CASQ1: variants seen among roughly 807,000 people sequenced by gnomAD.
The protein encoded by CASQ1 is calsequestrin-1.
CASQ1 carries 40 observed loss-of-function variants against 49.5 expected under a neutral mutation model. The observed-to-expected ratio is 0.81, with a 90% CI of 0.63 to 1.05. The LOEUF (loss-of-function observed/expected upper bound fraction) is 1.05, where lower values mean the gene tolerates loss of function less well. CASQ1 is among the 50% of genes least tolerant of loss of function. CASQ1 has a pLI of 0.00. For synonymous variants in CASQ1, 174 were observed against 187.2 expected, an observed-to-expected ratio of 0.93 and a Z score of 0.58; for missense variants, 469 against 486.9, an observed-to-expected ratio of 0.96 and a Z score of 0.35.
intron 10 of CASQ1, among the ~76,000 whole-genome samples, chr1:160,200,533 G>T (rs1654346455): frequency 6.6e-6 from 1 of 152,210 alleles, no homozygotes; most frequent in African/African-American, 2.4e-5. Context: ...TCAAAATGGA[G>T]ATTCTACAAT....
At chr1:160,200,547 T>C (rs138806232) in intron 10 of CASQ1, among the ~76,000 whole-genome samples, 456 of 152,326 alleles carry the variant, frequency 3.0e-3, no homozygotes, top group Admixed American at 4.4e-3. Context: ...CTACAATGTA[T>C]ACGATTTCAA....
chr1:160,195,471 C>T lies in CASQ1; in HGVS notation c.588C>T (p.Ala196=), dbSNP rs1211693320. ...CATTCCACCCCCCAGATTACAAAGC[C>T]TTCGAGGATGCAGCTGAGGAGTTTC... ...FKSKDSEHYK[A]FEDAAEEFHP... Residue 196 remains alanine (A), a synonymous_variant, in exon 5 of 11, where the codon GCC becomes GCT. Transcript: ENST00000368078. 2.5e-6 allele frequency: 4 copies of T among 1,614,092 alleles called. No individual in the cohort carries two copies. Among genetic ancestry groups the T allele is most frequent in the South Asian group, 1.1e-5 (1 of 91,078 alleles).
rs543422219 is a variant in CASQ1 at position 160,190,880 on chromosome 1, C to T, written c.129C>T (p.Tyr43=). The T allele has an allele frequency of 1.5e-4, 236 of 1,614,154 alleles. 3 individuals carry two copies. In the South Asian group the frequency reaches 2.2e-3, roughly 15 times the overall value. ...QGQEGLDFPE[Y]DGVDRVINVN... is the part of the protein sequence containing the mutation. ...AGGAAGGGCTGGACTTCCCTGAGTACGATGGTGTGGACCGTGTGATCAATG... is the reference window on the plus strand; with the variant it reads ...AGGAAGGGCTGGACTTCCCTGAGTATGATGGTGTGGACCGTGTGATCAATG... The change falls in exon 1 of 11, where the codon TAC becomes TAT. Residue 43 remains tyrosine (Y), a synonymous_variant. Transcript: ENST00000368078.
chr1:160,198,511 A>C (rs1227747661), intron 7 of CASQ1, among the ~76,000 whole-genome samples, 166 bp from the exon 8 acceptor site: 3 of 151,916 alleles, frequency 2.0e-5, no homozygotes, highest in Non-Finnish European at 4.4e-5. Flanking sequence ...CTCAAAAACA[A>C]AAAAAAACAA....
intron 1 of CASQ1, 104 bp from the exon 2 acceptor site, chr1:160,192,696 CTT>C (rs1654104624): frequency 6.8e-6 from 6 of 882,464 alleles, no homozygotes; most frequent in African/African-American, 5.0e-5. Context: ...AAGGTCAACT[CTT>C]ATATCTCCCG....
In CASQ1 at chr1:160,192,784, C is replaced by T. The variant is rs1361504811; in HGVS notation, c.280-18C>T. The T allele has an allele frequency of 6.8e-6, 11 of 1,610,074 alleles. No individual in the cohort carries two copies. The highest frequency in any genetic ancestry group is 9.3e-6 in the Non-Finnish European group (11 of 1,176,666). The stretch of plus-strand genomic sequence containing the variant: ...AAAAATTCCAGGGGCTAATTTTAAT[C>T]ATAATCCTTCCCTCCAGTTAGCAGC... On this transcript the variant is annotated intron_variant, in intron 1 of 10. Transcript: ENST00000368078.
chr1:160,195,172 A>C, intron 4 of CASQ1, 49 bp downstream of exon 4: 5 of 1,176,082 alleles, frequency 4.3e-6, no homozygotes, highest in Non-Finnish European at 6.2e-6. Flanking sequence ...TCCCCATCTC[A>C]CCTGTCCTCC....
chr1:160,191,160 G>A (rs115990089), intron 1 of CASQ1, 130 bp downstream of exon 1: 1 of 910,864 alleles, frequency 1.1e-6, no homozygotes, highest in African/African-American at 1.7e-5. Flanking sequence ...ACCCTGTCCT[G>A]ACCAACAGGA....
At position 160,198,670 on chromosome 1, in the gene CASQ1, CT is replaced by C. The variant is rs1255114225; in HGVS notation, c.829-6del. The stretch of plus-strand genomic sequence containing the variant: ...AAAACCCTGTTCTCCTTCTTACCCC[CT>C]GACAGGAGGATGATATGGATGGAAT... On this transcript the variant is annotated splice_polypyrimidine_tract_variant and splice_region_variant and intron_variant, in intron 7 of 10. Transcript: ENST00000368078. The C allele has an allele frequency of 1.2e-6, 2 of 1,612,204 alleles. No individual in the cohort carries two copies. Among genetic ancestry groups the C allele is most frequent in the Admixed American group, 3.3e-5 (2 of 60,014 alleles).
chr1:160,193,559 G>A (rs1654129805), intron 2 of CASQ1, among the ~76,000 whole-genome samples, 188 bp from the exon 3 acceptor site: 2 of 152,086 alleles, frequency 1.3e-5, no homozygotes, highest in Admixed American at 6.5e-5. Flanking sequence ...TTAATCCAGG[G>A]GCAGAGACCT....
rs2101679904 is a variant in CASQ1 at position 160,201,383 on chromosome 1, T to C, written c.*7T>C. ...CGATGATGATGATGACTAGTTGCTA[T>C]GGCAACCATCTTTCAGCCCCACTGG... On this transcript the variant is annotated 3_prime_UTR_variant, in exon 11 of 11. Transcript: ENST00000368078. The C allele has an allele frequency of 1.9e-6, 3 of 1,613,744 alleles. No individual in the cohort carries two copies. The highest frequency in any genetic ancestry group is 4.5e-5 in the East Asian group (2 of 44,886).
intron 10 of CASQ1, among the ~76,000 whole-genome samples, chr1:160,201,009 G>A (rs55887151): frequency 0.072 from 11,034 of 152,268 alleles, 1,299 homozygotes; most frequent in African/African-American, 0.25. Flanking sequence ...AAGAGCACGG[G>A]AGACAGATTG....
intron 2 of CASQ1, among the ~76,000 whole-genome samples, chr1:160,193,542 C>T (rs542501041): frequency 2.4e-3 from 371 of 152,260 alleles, no homozygotes; most frequent in African/African-American, 8.4e-3. Context: ...ACGCTAGCCC[C>T]CTAGGCTTAA....
chr1:160,195,420 C>T (rs1486879816), intron 4 of CASQ1, 41 bp from the exon 5 acceptor site: 2 of 1,578,872 alleles, frequency 1.3e-6, no homozygotes, highest in Non-Finnish European at 8.7e-7. Context: ...CCGGGCAGAC[C>T]CTGGTTTCCC....
In CASQ1 at chr1:160,195,057, C is replaced by T. The variant is rs747556680; in HGVS notation, c.511C>T (p.Gln171Ter). 1.2e-6 allele frequency: 2 copies of T among 1,613,358 alleles called. No individual in the cohort carries two copies. Among genetic ancestry groups the T allele is most frequent in the African/African-American group, 2.7e-5 (2 of 75,016 alleles). Residue 171 changes from glutamine (Q) to a stop codon, truncating the protein, a stop_gained, in exon 4 of 11, where the codon CAG becomes TAG. Coordinates refer to ENST00000368078, the MANE Select transcript of CASQ1 (RefSeq NM_001231.5). LOFTEE classifies it high-confidence loss of function. The part of the protein sequence containing the change: ...VELIEGEREL[Q>*]AFENIEDEIK... ...ATTGATTGAAGGTGAACGAGAGCTGCAGGCGTTTGAGAATATTGAGGATGA... is the reference window on the plus strand; with the variant it reads ...ATTGATTGAAGGTGAACGAGAGCTGTAGGCGTTTGAGAATATTGAGGATGA...
intron 5 of CASQ1, 113 bp from the exon 6 acceptor site, chr1:160,195,784 A>G (rs1654210315): frequency 1.6e-5 from 20 of 1,243,378 alleles, no homozygotes; most frequent in Non-Finnish European, 2.3e-5. Flanking sequence ...AGTGGCAGTG[A>G]CAAGGATCCC....
intron 6 of CASQ1, among the ~76,000 whole-genome samples, chr1:160,196,678 G>A (rs1046731152): frequency 1.3e-5 from 2 of 152,086 alleles, no homozygotes; most frequent in South Asian, 2.1e-4. Context: ...GTTTCACCAC[G>A]TTGGCCTGGC....
intron 8 of CASQ1, 77 bp from the exon 9 acceptor site, chr1:160,198,876 T>C: frequency 8.7e-7 from 1 of 1,152,028 alleles, no homozygotes; most frequent in East Asian, 2.3e-5. Flanking sequence ...AGCAGGGAGG[T>C]AGCTCTGCAC....
chr1:160,195,594 C>T (rs1654201947), intron 5 of CASQ1, 60 bp downstream of exon 5: 1 of 1,518,958 alleles, frequency 6.6e-7, no homozygotes, highest in Admixed American at 1.7e-5. Flanking sequence ...CCTCCAGTTT[C>T]CTCTCCCAGA....
Sources: allele counts gnomAD v4.1 joint callset (sites outside exome capture counted in the v4.1 genomes callset), GRCh38; gene constraint gnomAD v4.1.1; transcripts MANE v1.5; gene names NCBI Gene and HGNC (gene_info 2026-07-23, HGNC 2026-07-21).